The following SEMA5A variants were observed in gnomAD, a reference collection of about 807,000 sequenced individuals.
The protein encoded by SEMA5A is semaphorin 5A.
In SEMA5A, 55 loss-of-function variants were observed where a neutral mutation model predicts 135.5. The observed-to-expected ratio is 0.41, with a 90% CI of 0.33 to 0.51. The LOEUF (loss-of-function observed/expected upper bound fraction) is 0.51. SEMA5A is among the 20% of genes least tolerant of loss of function. SEMA5A has a pLI of 0.37. For missense variants in SEMA5A, 1,290 were observed against 1,419.9 expected, an observed-to-expected ratio of 0.91 and a Z score of 1.47; for synonymous variants, 580 against 546.5, an observed-to-expected ratio of 1.06 and a Z score of -0.85.
intron 3 of SEMA5A, among the ~76,000 whole-genome samples, chr5:9,369,595 T>C (rs1755052881): frequency 6.6e-6 from 1 of 152,216 alleles, no homozygotes; most frequent in Non-Finnish European, 1.5e-5. Context: ...TGTTGAAGAC[T>C]ACTATTTTCT....
intron 11 of SEMA5A, among the ~76,000 whole-genome samples, chr5:9,184,366 A>C (rs1744693590): frequency 6.6e-6 from 1 of 152,048 alleles, no homozygotes; most frequent in South Asian, 2.1e-4. Flanking sequence ...CAAATACAGT[A>C]TGCTTTGAAA....
intron 1 of SEMA5A, among the ~76,000 whole-genome samples, chr5:9,489,629 G>T (rs1734904108): frequency 6.6e-6 from 1 of 152,134 alleles, no homozygotes; most frequent in African/African-American, 2.4e-5. Flanking sequence ...GATTCAAATA[G>T]AATATTTTTA....
intron 13 of SEMA5A, among the ~76,000 whole-genome samples, chr5:9,128,049 G>A (rs1741213418): frequency 6.6e-6 from 1 of 152,190 alleles, no homozygotes; most frequent in Non-Finnish European, 1.5e-5. Flanking sequence ...AAGAGGCTAA[G>A]GTAGGGACAC....
intron 8 of SEMA5A, among the ~76,000 whole-genome samples, chr5:9,211,078 A>T (rs1055016802): frequency 1.3e-5 from 2 of 152,188 alleles, no homozygotes; most frequent in Non-Finnish European, 2.9e-5. Context: ...CCTGAATATT[A>T]GAAAAGGGCA....
intron 1 of SEMA5A, among the ~76,000 whole-genome samples, chr5:9,512,456 A>G (rs1341103613): frequency 6.6e-6 from 1 of 152,216 alleles, no homozygotes; most frequent in African/African-American, 2.4e-5. Flanking sequence ...TGATGTGGGT[A>G]GGAAGTGGTG....
intron 15 of SEMA5A, among the ~76,000 whole-genome samples, chr5:9,109,116 C>G (rs533527589): frequency 8.6e-5 from 12 of 140,324 alleles, no homozygotes; most frequent in African/African-American, 3.2e-4. Flanking sequence ...TCTCGGCTCA[C>G]TGCAAGCTCC....
At chr5:9,480,011 C>T (rs1397449091) in intron 1 of SEMA5A, among the ~76,000 whole-genome samples, 1 of 152,142 alleles carries the variant, frequency 6.6e-6, no homozygotes, top group Non-Finnish European at 1.5e-5. Flanking sequence ...TCGTTTAAAC[C>T]AAGAGTACTC....
At chr5:9,378,760 C>T (rs990660924) in intron 3 of SEMA5A, among the ~76,000 whole-genome samples, 1 of 152,122 alleles carries the variant, frequency 6.6e-6, no homozygotes, top group African/African-American at 2.4e-5. Context: ...CTTAACTGGC[C>T]AAAAGATGCC....
chr5:9,162,699 T>G (rs1452043602), intron 11 of SEMA5A, among the ~76,000 whole-genome samples: 1 of 151,554 alleles, frequency 6.6e-6, no homozygotes, highest in Non-Finnish European at 1.5e-5. Flanking sequence ...CTGATTTTGG[T>G]CATCTCTAAA....
intron 21 of SEMA5A, among the ~76,000 whole-genome samples, chr5:9,047,972 G>A (rs1263661339): frequency 2.0e-5 from 3 of 152,182 alleles, no homozygotes; most frequent in Non-Finnish European, 4.4e-5. Flanking sequence ...TCAGCAGGAG[G>A]AAAGTGAACT....
rs115755371 is a variant in SEMA5A at position 9,439,399 on chromosome 5, T to C, written c.-174-1547A>G. Among the ~76,000 whole-genome samples, 415 of 152,360 alleles carry C rather than the reference T, an allele frequency of 2.7e-3. 2 individuals are homozygous for C. The highest frequency in any genetic ancestry group is 9.7e-3 in the African/African-American group (403 of 41,578). Reference sequence around the variant, plus strand: ...AAATCTATTTTACAACAATTATTACTAAAATGTCCTTGTAGTTGTTTAGAT... The same window carrying C: ...AAATCTATTTTACAACAATTATTACCAAAATGTCCTTGTAGTTGTTTAGAT... On this transcript the variant is annotated intron_variant, in intron 1 of 22. Transcript: ENST00000382496.
rs1740888326 is a variant in SEMA5A, at chr5:9,122,835, G to A, written c.1602C>T (p.Thr534=). The change falls in exon 14 of 23, where the codon ACC becomes ACT. Residue 534 remains threonine, a splice_region_variant and synonymous_variant. Coordinates refer to ENST00000382496, the MANE Select transcript of SEMA5A (RefSeq NM_003966.3). ...AGTGCCCATCCACGGTGAGATTCCT[G>A]GTCTAGGAAGCAAAACCAAGCAGAG... ...QWEQSISACP[T]RNLTVDGHFG... 1.9e-6 allele frequency: 3 copies of A among 1,591,488 alleles called. No individual in the cohort carries two copies. Among genetic ancestry groups the A allele is most frequent in the Non-Finnish European group, 2.6e-6 (3 of 1,165,738 alleles).
intron 1 of SEMA5A, among the ~76,000 whole-genome samples, chr5:9,473,604 G>T (rs1348140078): frequency 6.6e-6 from 1 of 151,514 alleles, no homozygotes; most frequent in Non-Finnish European, 1.5e-5. Context: ...GGAGAGAGAG[G>T]AGGAAAGAAG....
chr5:9,084,065 T>C (rs1309111203), intron 16 of SEMA5A, among the ~76,000 whole-genome samples: 2 of 152,210 alleles, frequency 1.3e-5, no homozygotes, highest in Non-Finnish European at 2.9e-5. Context: ...TCTTAGCCCC[T>C]TTAATAAAAG....
intron 8 of SEMA5A, among the ~76,000 whole-genome samples, chr5:9,222,138 G>T (rs1747039722): frequency 6.6e-6 from 1 of 152,166 alleles, no homozygotes; most frequent in Non-Finnish European, 1.5e-5. Flanking sequence ...TGAGACAAGG[G>T]CATCTGGCAA....
At chr5:9,272,651 C>T (rs1750042979) in intron 5 of SEMA5A, among the ~76,000 whole-genome samples, 2 of 152,146 alleles carry the variant, frequency 1.3e-5, no homozygotes, top group South Asian at 4.1e-4. Context: ...TGGGACAAAG[C>T]TTCCAGAGGA....
intron 3 of SEMA5A, among the ~76,000 whole-genome samples, chr5:9,358,020 G>T (rs567824654): frequency 6.6e-6 from 1 of 152,138 alleles, no homozygotes; most frequent in Admixed American, 6.5e-5. Context: ...TGAGACAGTG[G>T]ATCATCTGGA....
rs769734544 is a variant in SEMA5A, at chr5:9,136,606, G to C, written c.1497C>G (p.Ala499=). Residue 499 remains alanine, a synonymous_variant, in exon 13 of 23, where the codon GCC becomes GCG. Coordinates refer to ENST00000382496, the MANE Select transcript of SEMA5A (RefSeq NM_003966.3). ...CATCCCAGCCACAGTAAGGGTCCTG[G>C]GCCCCAATGCAGGTGCTGGAAACAC... is the stretch of plus-strand genomic sequence containing the variant. ...FYRTRSTCIG[A]QDPYCGWDVV... 1 of 1,614,116 alleles carries C rather than the reference G, an allele frequency of 6.2e-7. No individual in the cohort carries two copies. The highest frequency in any genetic ancestry group is 1.1e-5 in the South Asian group (1 of 91,076).
At chr5:9,454,415 T>G (rs1486865077) in intron 1 of SEMA5A, among the ~76,000 whole-genome samples, 11 of 152,226 alleles carry the variant, frequency 7.2e-5, no homozygotes. Flanking sequence ...ACTTGAACCT[T>G]CAAATACCAA....
Sources: allele counts gnomAD v4.1 joint callset (sites outside exome capture counted in the v4.1 genomes callset), GRCh38; gene constraint gnomAD v4.1.1; transcripts MANE v1.5; gene names NCBI Gene and HGNC (gene_info 2026-07-23, HGNC 2026-07-21).